The following MYL6 variants were observed in gnomAD, a reference collection of about 807,000 sequenced individuals.
The protein encoded by MYL6 is myosin light chain 6, also known as myosin light polypeptide 6.
Under a neutral mutation model 20.3 loss-of-function variants are expected in MYL6, and 20 were observed. The observed-to-expected ratio is 0.98, with a 90% CI of 0.69 to 1.43. The LOEUF (loss-of-function observed/expected upper bound fraction) is 1.43, where lower values mean the gene tolerates loss of function less well. Among genes scored for constraint, MYL6 ranks in the 40% most tolerant of loss-of-function variants. MYL6 has a pLI of 0.00. For synonymous variants in MYL6, 77 were observed against 72.4 expected, an observed-to-expected ratio of 1.06 and a Z score of -0.32; for missense variants, 164 against 191.0, an observed-to-expected ratio of 0.86 and a Z score of 0.83.
intron 3 of MYL6, 68 bp from the exon 4 acceptor site, chr12:56,159,907 C>T (rs1871617526): frequency 1.3e-6 from 2 of 1,554,586 alleles, no homozygotes; most frequent in East Asian, 2.2e-5. Context: ...GTTGAGGTCT[C>T]TATAATCCCC....
chr12:56,159,546 T>A (rs1322109957), intron 2 of MYL6, 41 bp from the exon 3 acceptor site: 1 of 1,603,522 alleles, frequency 6.2e-7, no homozygotes, highest in East Asian at 2.2e-5. Flanking sequence ...GGGTTTGGAT[T>A]AACCCTCAAA....
At chr12:56,159,528 C>T in intron 2 of MYL6, 59 bp from the exon 3 acceptor site, 1 of 1,585,162 alleles carries the variant, frequency 6.3e-7, no homozygotes. Context: ...CAGCAGAGCT[C>T]TGAGGTAGGG....
At position 56,160,174 on chromosome 12, in the gene MYL6, A is replaced by T. The variant is rs191417041; in HGVS notation, c.349+26A>T. 8 of 1,613,800 alleles carry T rather than the reference A, an allele frequency of 5.0e-6. No homozygotes were observed. The Admixed American group carries it at 1.3e-4, about 27-fold the overall frequency. On this transcript the variant is annotated intron_variant, in intron 4 of 6. Coordinates refer to ENST00000550697, the MANE Select transcript of MYL6 (RefSeq NM_021019.5). ...GTAAGGTTCTGTGTCCTTGTCCTTG[A>T]GCTGAGATGGCACCCTGAGGTACCT...
intron 2 of MYL6, 57 bp from the exon 3 acceptor site, chr12:56,159,530 G>C (rs188098530): frequency 5.3e-5 from 85 of 1,589,040 alleles, no homozygotes; most frequent in Non-Finnish European, 6.3e-5. Flanking sequence ...GCAGAGCTCT[G>C]AGGTAGGGTT....
At chr12:56,160,743 T>C in intron 6 of MYL6, 73 bp downstream of exon 6, 1 of 1,502,546 alleles carries the variant, frequency 6.7e-7, no homozygotes, top group Non-Finnish European at 9.2e-7. Context: ...GTGCTCTTTA[T>C]CCCCTGCCCT....
Position 56,160,572 on chromosome 12 carries a change from C to T in MYL6, c.428-54C>T, listed in dbSNP as rs919315209. ...AATGTCTGTCCCCACTGCCTGACCC[C>T]TCACCCCATGTCTTTGTCTTGTCTT... On this transcript the variant is annotated intron_variant, in intron 5 of 6. Transcript: ENST00000550697. The T allele has an allele frequency of 3.1e-6, 5 of 1,596,666 alleles. No individual in the cohort carries two copies. In the African/African-American group the frequency reaches 5.4e-5, roughly 17 times the overall value.
intron 6 of MYL6, chr12:56,160,930 G>A (rs1871780199): frequency 1.7e-6 from 1 of 587,862 alleles, no homozygotes; most frequent in Non-Finnish European, 3.0e-6. Flanking sequence ...ACTCTCACCA[G>A]CCTGTATACC....
rs149957722 is a variant in MYL6, at chr12:56,159,211, C to T, written c.32-376C>T. On this transcript the variant is annotated intron_variant, in intron 2 of 6. Transcript: ENST00000550697. ...AAGTTCTCTTTATACTGGAGGGGTG[C>T]GAAGTGGCAGGTTGGGATGACCCTA... 231 of 275,478 alleles carry T rather than the reference C, an allele frequency of 8.4e-4. 2 individuals carry two copies. The East Asian group carries it at 0.012, about 15-fold the overall frequency. The allele number at this position is 275,478 out of a possible 1,614,324, so 17.1% of individuals were successfully genotyped here. A position where few individuals can be genotyped will look rare whatever the true frequency, so the allele number is the denominator to read the frequency against.
Position 56,161,551 on chromosome 12 carries a change from C to T in MYL6, c.*181C>T. On this transcript the variant is annotated 3_prime_UTR_variant, in exon 7 of 7. Coordinates refer to ENST00000550697, the MANE Select transcript of MYL6 (RefSeq NM_021019.5). The stretch of plus-strand genomic sequence containing the variant: ...TTGGATGATGTTTGCCGTCAGCATT[C>T]ACCAAATAAACTTGCTCTCTGGGCC... The T allele has an allele frequency of 2.6e-6, 3 of 1,145,084 alleles. No individual in the cohort carries two copies. Among genetic ancestry groups the T allele is most frequent in the South Asian group, 1.2e-5 (1 of 81,270 alleles). 70.9% of individuals were successfully genotyped at this position (1,145,084 alleles called of 1,614,324 possible). A position where few individuals can be genotyped will look rare whatever the true frequency, so the allele number is the denominator to read the frequency against.
intron 3 of MYL6, 30 bp from the exon 4 acceptor site, chr12:56,159,945 G>T: frequency 6.3e-7 from 1 of 1,597,312 alleles, no homozygotes; most frequent in Non-Finnish European, 8.5e-7. Flanking sequence ...TTACTTCTCT[G>T]GCCTGACACT....
intron 2 of MYL6, 157 bp downstream of exon 2, chr12:56,158,868 T>C (rs1871510296): frequency 4.8e-6 from 7 of 1,470,296 alleles, no homozygotes; most frequent in Non-Finnish European, 6.3e-6. Context: ...CATTTTCTTT[T>C]CTCACTTTCT....
intron 6 of MYL6, 173 bp from the exon 7 acceptor site, chr12:56,161,214 G>A (rs755094163): frequency 3.0e-5 from 21 of 708,600 alleles, no homozygotes; most frequent in Non-Finnish European, 5.3e-5. Context: ...GGGGAGCTAG[G>A]GGCATGGAGA....
intron 3 of MYL6, 117 bp from the exon 4 acceptor site, chr12:56,159,858 T>C: frequency 6.6e-7 from 1 of 1,525,286 alleles, no homozygotes; most frequent in Non-Finnish European, 8.8e-7. Flanking sequence ...ATGGATTTCC[T>C]TGCTTTTAGT....
chr12:56,160,783 C>T (rs1168249871), intron 6 of MYL6, 113 bp downstream of exon 6: 1 of 1,182,758 alleles, frequency 8.5e-7, no homozygotes, highest in African/African-American at 1.5e-5. Flanking sequence ...TTCCTCCTGG[C>T]ATGTTTCTGC....
intron 2 of MYL6, chr12:56,159,286 G>A (rs1871549039): frequency 1.1e-5 from 4 of 376,262 alleles, no homozygotes; most frequent in South Asian, 3.5e-5. Context: ...CTGAGACTGG[G>A]CGGTGGCGAA....
At chr12:56,159,371 G>C in intron 2 of MYL6, 1 of 567,218 alleles carries the variant, frequency 1.8e-6, no homozygotes, top group Non-Finnish European at 3.0e-6. Context: ...TGTGTAAATG[G>C]ATGTTACCAG....
chr12:56,160,321 G>A lies in MYL6; in HGVS notation c.427+1G>A, dbSNP rs1565883907. The A allele has an allele frequency of 6.2e-7, 1 of 1,614,150 alleles. No homozygotes were observed. The highest frequency in any genetic ancestry group is 8.5e-7 in the Non-Finnish European group (1 of 1,180,012). ...AGCAATGGTTGTATCAACTATGAAG[G>A]TAAGAGGTGAACTGCGCTTTCTCAG... On this transcript the variant is annotated splice_donor_variant, in intron 5 of 6. Transcript: ENST00000550697. LOFTEE classifies it high-confidence loss of function.
intron 2 of MYL6, 28 bp from the exon 3 acceptor site, chr12:56,159,559 C>T: frequency 6.2e-7 from 1 of 1,609,204 alleles, no homozygotes. Flanking sequence ...CCCTCAAATC[C>T]TGTGTTGACA....
At chr12:56,159,489 T>C (rs1163194248) in intron 2 of MYL6, 98 bp from the exon 3 acceptor site, 21 of 1,493,972 alleles carry the variant, frequency 1.4e-5, no homozygotes, top group Non-Finnish European at 1.7e-5. Context: ...AGATATCTCG[T>C]TTCCTCAGCA....
Sources: gnomAD v4.1 joint callset for allele counts on GRCh38, gnomAD v4.1.1 for gene constraint, MANE v1.5 for transcripts, NCBI Gene and HGNC (gene_info 2026-07-23, HGNC 2026-07-21) for gene names.